RASGRF2: variants seen among roughly 807,000 people sequenced by gnomAD.
RASGRF2 encodes Ras protein specific guanine nucleotide releasing factor 2.
RASGRF2 carries 76 observed loss-of-function variants against 151.0 expected under a neutral mutation model. That is an observed-to-expected ratio of 0.50 (90% CI 0.42 to 0.61). The LOEUF (loss-of-function observed/expected upper bound fraction) is 0.61. Ranked by LOEUF, RASGRF2 falls within the 20% of genes least tolerant of loss-of-function variation. The probability of loss-of-function intolerance (pLI) is 0.00; values close to 1 mark genes in which losing one functional copy is unlikely to be tolerated. For synonymous variants in RASGRF2, 504 were observed against 566.5 expected (o/e 0.89, Z 1.57); for missense variants, 1,148 against 1,564.6 (o/e 0.73, Z 4.49).
intron 17 of RASGRF2, among the ~76,000 whole-genome samples, chr5:81,172,776 G>A (rs964233451): frequency 1.3e-5 from 2 of 152,092 alleles, no homozygotes; most frequent in East Asian, 3.9e-4. Context: ...AAAATGCAAG[G>A]ATTTGTTTGG....
chr5:80,970,454 G>A (rs1747894579), intron 1 of RASGRF2, among the ~76,000 whole-genome samples: 1 of 152,116 alleles, frequency 6.6e-6, no homozygotes, highest in Admixed American at 6.6e-5. Flanking sequence ...GCTCTTTATG[G>A]GGACTTAGCT....
intron 18 of RASGRF2, among the ~76,000 whole-genome samples, chr5:81,186,540 A>G (rs865800985): frequency 9.2e-5 from 14 of 152,304 alleles, no homozygotes; most frequent in Middle Eastern, 3.4e-3. Context: ...GGTTTTATAT[A>G]TACTCTATCC....
intron 1 of RASGRF2, among the ~76,000 whole-genome samples, chr5:81,002,424 G>A (rs375799314): frequency 2.0e-5 from 3 of 152,122 alleles, no homozygotes; most frequent in South Asian, 4.1e-4. Flanking sequence ...AATGATGAGG[G>A]ATGAAAACAA....
At position 81,189,082 on chromosome 5, in the gene RASGRF2, G is replaced by GTGCT. The variant is rs530463231; in HGVS notation, c.2793+8802_2793+8805dup. On this transcript the variant is annotated intron_variant, in intron 18 of 26. Transcript: ENST00000265080. ...TTGCTAAAGGCTGGTGCAGGGAGGA[G>GTGCT]TGCTGTGCCCCTGCTGACAACCACT... Among the ~76,000 whole-genome samples the GTGCT allele has an allele frequency of 2.0e-3, 306 of 152,352 alleles. 2 individuals are homozygous for GTGCT. The highest frequency in any genetic ancestry group is 6.9e-3 in the African/African-American group (286 of 41,574).
At chr5:81,113,005 A>G in intron 14 of RASGRF2, 147 bp downstream of exon 14, 1 of 1,084,026 alleles carries the variant, frequency 9.2e-7, no homozygotes, top group Non-Finnish European at 1.3e-6. Context: ...CTCCAGCAGA[A>G]GGCCATATGT....
At chr5:81,103,896 TGAAC>T (rs1430155433) in intron 12 of RASGRF2, among the ~76,000 whole-genome samples, 1 of 152,112 alleles carries the variant, frequency 6.6e-6, no homozygotes, top group East Asian at 1.9e-4. Context: ...TTAATATGAA[TGAAC>T]GAACTATGCA....
At chr5:81,081,696 C>T (rs1752091900) in intron 7 of RASGRF2, among the ~76,000 whole-genome samples, 1 of 152,186 alleles carries the variant, frequency 6.6e-6, no homozygotes, top group Non-Finnish European at 1.5e-5. Flanking sequence ...CTGACCCTGG[C>T]TAATCATTTT....
At chr5:81,159,620 C>T (rs934570142) in intron 17 of RASGRF2, among the ~76,000 whole-genome samples, 8 of 152,098 alleles carry the variant, frequency 5.3e-5, no homozygotes, top group African/African-American at 1.2e-4. Context: ...GTGATTGAAA[C>T]GTTCTATAAT....
intron 15 of RASGRF2, among the ~76,000 whole-genome samples, chr5:81,118,075 G>C (rs1452267946): frequency 1.3e-5 from 2 of 152,224 alleles, no homozygotes; most frequent in African/African-American, 4.8e-5. Context: ...CTTGTCTGCA[G>C]CTCTCTCAGG....
chr5:81,087,403 TC>T, intron 9 of RASGRF2: 1 of 694,824 alleles, frequency 1.4e-6, no homozygotes, highest in Non-Finnish European at 2.6e-6. Flanking sequence ...CATCAGCACT[TC>T]CGGATCCGCC....
At chr5:81,026,734 T>A (rs1173338669) in intron 1 of RASGRF2, among the ~76,000 whole-genome samples, 2 of 152,082 alleles carry the variant, frequency 1.3e-5, no homozygotes, top group African/African-American at 4.8e-5. Flanking sequence ...AAAAGCTGCG[T>A]ATGTATTTTT....
intron 2 of RASGRF2, among the ~76,000 whole-genome samples, chr5:81,055,301 A>T (rs907808823): frequency 1.6e-4 from 24 of 152,178 alleles, no homozygotes; most frequent in Non-Finnish European, 2.9e-4. Context: ...GATACGTCCC[A>T]TCAATACCTA....
intron 1 of RASGRF2, among the ~76,000 whole-genome samples, chr5:81,011,536 G>A (rs549244050): frequency 1.3e-5 from 2 of 152,228 alleles, no homozygotes; most frequent in East Asian, 1.9e-4. Flanking sequence ...GAAGTTGGGA[G>A]TTTGAGACTA....
At chr5:81,033,958 A>G (rs1750369295) in intron 1 of RASGRF2, among the ~76,000 whole-genome samples, 1 of 152,216 alleles carries the variant, frequency 6.6e-6, no homozygotes, top group Non-Finnish European at 1.5e-5. Flanking sequence ...ACAAGAAAAA[A>G]TCAAACAACC....
chr5:81,212,148 A>G (rs903861936), intron 22 of RASGRF2, among the ~76,000 whole-genome samples: 2 of 152,212 alleles, frequency 1.3e-5, no homozygotes, highest in African/African-American at 4.8e-5. Context: ...GGGAATCCAG[A>G]TAACCCCTGT....
intron 17 of RASGRF2, among the ~76,000 whole-genome samples, chr5:81,167,189 T>A (rs1270420830): frequency 1.3e-5 from 2 of 152,184 alleles, no homozygotes; most frequent in Non-Finnish European, 2.9e-5. Context: ...ACCTGGCCTG[T>A]CCAAGTCTGG....
chr5:80,976,020 T>C (rs1051477287), intron 1 of RASGRF2, among the ~76,000 whole-genome samples: 10 of 152,112 alleles, frequency 6.6e-5, no homozygotes, highest in Non-Finnish European at 1.5e-4. Flanking sequence ...AATTTTGTAT[T>C]TTTAGTAGAG....
intron 18 of RASGRF2, among the ~76,000 whole-genome samples, chr5:81,199,523 A>G (rs1453351490): frequency 6.6e-6 from 1 of 152,174 alleles, no homozygotes; most frequent in Non-Finnish European, 1.5e-5. Flanking sequence ...TCTGTTCTCT[A>G]ATACACTTCA....
At chr5:81,014,923 T>A (rs971593286) in intron 1 of RASGRF2, among the ~76,000 whole-genome samples, 9 of 152,184 alleles carry the variant, frequency 5.9e-5, no homozygotes, top group Admixed American at 3.3e-4. Flanking sequence ...ATTATTTATT[T>A]ATGTATTTAT....
Sources: gnomAD v4.1 joint callset for allele counts (sites outside exome capture counted in the v4.1 genomes callset) on GRCh38, gnomAD v4.1.1 for gene constraint, MANE v1.5 for transcripts, NCBI Gene and HGNC (gene_info 2026-07-23, HGNC 2026-07-21) for gene names.